Variants in RNGTT observed in about 807,000 individuals in gnomAD.
RNGTT encodes RNA guanylyltransferase and 5'-phosphatase, also known as mRNA-capping enzyme.
RNGTT carries 33 observed loss-of-function variants against 79.3 expected under a neutral mutation model. The observed-to-expected ratio is 0.42, with a 90% CI of 0.32 to 0.56. RNGTT has a LOEUF of 0.56. RNGTT is among the 20% of genes least tolerant of loss of function. RNGTT has a pLI of 0.17. For missense variants in RNGTT, 497 were observed against 739.1 expected, an observed-to-expected ratio of 0.67 and a Z score of 3.80; for synonymous variants, 222 against 235.9, an observed-to-expected ratio of 0.94 and a Z score of 0.54.
intron 13 of RNGTT, among the ~76,000 whole-genome samples, chr6:88,689,689 A>G (rs1775411092): frequency 6.6e-6 from 1 of 151,154 alleles, no homozygotes. Context: ...ATGAAAAAAT[A>G]ATGAGAAAAA....
intron 15 of RNGTT, 88 bp downstream of exon 15, chr6:88,614,184 A>C: frequency 7.7e-7 from 1 of 1,299,376 alleles, no homozygotes; most frequent in Non-Finnish European, 1.1e-6. Flanking sequence ...TGCCCCATTA[A>C]GCAAAACAAC....
intron 14 of RNGTT, among the ~76,000 whole-genome samples, chr6:88,641,436 T>G (rs1773318393): frequency 6.6e-6 from 1 of 152,134 alleles, no homozygotes. Flanking sequence ...ATGAGCTCCG[T>G]GCTGTAGAGA....
chr6:88,951,642 T>C (rs1165492412), intron 1 of RNGTT, among the ~76,000 whole-genome samples: 3 of 152,048 alleles, frequency 2.0e-5, no homozygotes, highest in African/African-American at 4.8e-5. Flanking sequence ...ACATTCCCCA[T>C]TGGGGAATCT....
chr6:88,853,699 T>C lies in RNGTT; in HGVS notation c.962A>G (p.His321Arg). The C allele has an allele frequency of 6.3e-7, 1 of 1,584,372 alleles. No homozygotes were observed. Among genetic ancestry groups the C allele is most frequent in the Non-Finnish European group, 8.6e-7 (1 of 1,157,414 alleles). The change falls in exon 9 of 16, where the codon CAT becomes CGT. Residue 321 changes from histidine (H) to arginine (R), a missense_variant. By Grantham distance (29) the His-to-Arg change is conservative. Transcript: ENST00000369485. ...AAATGGAAATTCCAGATTTGAAACA[T>C]GAAATACTGAATTGTCTCTATCAAT... ...FMIDRDNSVF[H>R]VSNLEFPFRK...
chr6:88,912,324 G>A (rs970627537), intron 4 of RNGTT, among the ~76,000 whole-genome samples: 2 of 152,116 alleles, frequency 1.3e-5, no homozygotes, highest in African/African-American at 4.8e-5. Context: ...CAGGAAGACT[G>A]TTTGAGCCCT....
rs575486192 is a variant in RNGTT, at chr6:88,876,299, C to A, written c.896+14196G>T. On this transcript the variant is annotated intron_variant, in intron 8 of 15. Transcript: ENST00000369485. ...ATCCCAACACTTTGGGAGGCCAAGGCAGGCAGATCACTTTAGCCCAGGAGT... is the reference window on the plus strand; with the variant it reads ...ATCCCAACACTTTGGGAGGCCAAGGAAGGCAGATCACTTTAGCCCAGGAGT... 2.6e-5 allele frequency among the ~76,000 whole-genome samples: 4 copies of A among 152,294 alleles called. No individual in the cohort carries two copies. In the East Asian group the frequency reaches 7.7e-4, roughly 29 times the overall value.
At chr6:88,653,000 G>T (rs1256450169) in intron 14 of RNGTT, among the ~76,000 whole-genome samples, 2 of 152,064 alleles carry the variant, frequency 1.3e-5, no homozygotes, top group Non-Finnish European at 1.5e-5. Context: ...TATGAATCTA[G>T]ATCCGAAACT....
chr6:88,747,174 G>C (rs952567829), intron 13 of RNGTT, among the ~76,000 whole-genome samples: 4 of 152,122 alleles, frequency 2.6e-5, no homozygotes, highest in Admixed American at 2.6e-4. Context: ...TATTGTGTTG[G>C]GGCAGGGGGT....
intron 11 of RNGTT, among the ~76,000 whole-genome samples, chr6:88,839,162 T>G (rs2127896312): frequency 6.6e-6 from 1 of 152,128 alleles, no homozygotes; most frequent in East Asian, 1.9e-4. Flanking sequence ...TGTGCAACTG[T>G]TAAAGAGAAA....
chr6:88,929,844 A>G (rs982302907), intron 2 of RNGTT, among the ~76,000 whole-genome samples: 12 of 151,612 alleles, frequency 7.9e-5, no homozygotes, highest in Non-Finnish European at 1.5e-4. Context: ...ATACATATAC[A>G]CACATATACA....
chr6:88,663,176 G>A (rs1188481870), intron 14 of RNGTT, among the ~76,000 whole-genome samples: 2 of 152,106 alleles, frequency 1.3e-5, no homozygotes, highest in Admixed American at 6.6e-5. Flanking sequence ...TTTGTCTCCT[G>A]AGAGAGGAAA....
intron 13 of RNGTT, among the ~76,000 whole-genome samples, chr6:88,740,932 C>T (rs1263436432): frequency 6.6e-6 from 1 of 152,058 alleles, no homozygotes; most frequent in Non-Finnish European, 1.5e-5. Context: ...TAGTAATAGC[C>T]ATTCTGACTG....
chr6:88,697,865 T>C (rs1775734620), intron 13 of RNGTT, among the ~76,000 whole-genome samples: 1 of 137,922 alleles, frequency 7.3e-6, no homozygotes, highest in Admixed American at 7.3e-5. Flanking sequence ...AGTGAGACCC[T>C]GTCTTGGAAA....
At chr6:88,796,291 T>C (rs1032868783) in intron 12 of RNGTT, among the ~76,000 whole-genome samples, 9 of 152,212 alleles carry the variant, frequency 5.9e-5, no homozygotes, top group African/African-American at 2.2e-4. Context: ...TTACATGTTA[T>C]ATTTCTATCA....
intron 14 of RNGTT, among the ~76,000 whole-genome samples, chr6:88,659,026 C>A (rs139196477): frequency 1.3e-5 from 2 of 152,298 alleles, no homozygotes; most frequent in South Asian, 4.1e-4. Flanking sequence ...GTCAATTCTC[C>A]TAATAAACTC....
At chr6:88,790,384 T>C (rs1779368232) in intron 12 of RNGTT, among the ~76,000 whole-genome samples, 1 of 152,216 alleles carries the variant, frequency 6.6e-6, no homozygotes, top group African/African-American at 2.4e-5. Context: ...GCAGGAGATA[T>C]GTTTATTCTG....
intron 8 of RNGTT, among the ~76,000 whole-genome samples, chr6:88,855,923 A>G (rs1171936654): frequency 1.3e-5 from 2 of 152,228 alleles, no homozygotes; most frequent in Non-Finnish European, 2.9e-5. Flanking sequence ...ACAAAAGGGA[A>G]GATCAAATAA....
chr6:88,878,317 G>A (rs997681841), intron 8 of RNGTT, among the ~76,000 whole-genome samples: 2 of 151,774 alleles, frequency 1.3e-5, no homozygotes, highest in African/African-American at 2.4e-5. Flanking sequence ...GGCTGGTCTC[G>A]AACTCCTGAC....
chr6:88,614,820 T>C (rs1772159990), intron 14 of RNGTT, among the ~76,000 whole-genome samples: 1 of 152,208 alleles, frequency 6.6e-6, no homozygotes, highest in South Asian at 2.1e-4. Context: ...AGAAATGCCG[T>C]GTACTAGTTA....
Sources: gnomAD v4.1 joint callset for allele counts (sites outside exome capture counted in the v4.1 genomes callset) on GRCh38, gnomAD v4.1.1 for gene constraint, MANE v1.5 for transcripts, NCBI Gene and HGNC (gene_info 2026-07-23, HGNC 2026-07-21) for gene names.